The following NAALAD2 variants were observed in gnomAD, a reference collection of about 807,000 sequenced individuals.
NAALAD2 encodes the protein N-acetylated-alpha-linked acidic dipeptidase 2.
A neutral mutation model predicts 95.6 loss-of-function variants in NAALAD2; 89 were observed. That is an observed-to-expected ratio of 0.93 (90% CI 0.78 to 1.11). NAALAD2 has a LOEUF of 1.11. NAALAD2 is among the 50% of genes least tolerant of loss of function. The pLI is 0.00. For missense variants in NAALAD2, 894 were observed against 872.4 expected (o/e 1.02, Z -0.31); for synonymous variants, 264 against 294.4 (o/e 0.90, Z 1.06).
chr11:90,189,844 G>A (rs1442188031), intron 18 of NAALAD2, among the ~76,000 whole-genome samples: 1 of 152,096 alleles, frequency 6.6e-6, no homozygotes, highest in Non-Finnish European at 1.5e-5. Context: ...GAAGGTTGAG[G>A]AAAAAAGACT....
At chr11:90,187,088 CCATCAGAGAA>C (rs1857168600) in intron 18 of NAALAD2, among the ~76,000 whole-genome samples, 6 of 151,980 alleles carry the variant, frequency 3.9e-5, no homozygotes, top group African/African-American at 1.5e-4. Context: ...TCATCACTGG[CCATCAGAGAA>C]ATGCAAATCA....
intron 18 of NAALAD2, among the ~76,000 whole-genome samples, chr11:90,183,589 G>A (rs1468477338): frequency 5.3e-5 from 8 of 151,978 alleles, no homozygotes; most frequent in African/African-American, 1.9e-4. Context: ...ATTTTTCGGC[G>A]TTATGATGGT....
rs767361234 is a variant in NAALAD2 at position 90,182,991 on chromosome 11, A to T, written c.2016A>T (p.Pro672=). ...CATTCATCGATCCTCTTGGTTTACC[A>T]GGAAAGCTGTTCTATAGGTAAGGAA... ...ERAFIDPLGL[P]GKLFYRHIIF... The change falls in exon 18 of 19, where the codon CCA becomes CCT. Residue 672 remains proline, a synonymous_variant. Coordinates refer to ENST00000534061, the MANE Select transcript of NAALAD2 (RefSeq NM_005467.4). 1.9e-6 allele frequency: 3 copies of T among 1,612,784 alleles called. No homozygotes were observed. The highest frequency in any genetic ancestry group is 2.5e-6 in the Non-Finnish European group (3 of 1,178,946).
At chr11:90,143,386 G>T (rs1031212602) in intron 2 of NAALAD2, among the ~76,000 whole-genome samples, 1 of 152,110 alleles carries the variant, frequency 6.6e-6, no homozygotes, top group African/African-American at 2.4e-5. Context: ...TAATACACAT[G>T]AAGTTTTTAG....
intron 12 of NAALAD2, chr11:90,169,528 A>G (rs1952572352): frequency 1.3e-5 from 2 of 153,206 alleles, no homozygotes; most frequent in Non-Finnish European, 2.9e-5. Flanking sequence ...AAAGAAAAAG[A>G]AAAAGAAAAA....
At chr11:90,157,157 T>C (rs1467705041) in intron 6 of NAALAD2, among the ~76,000 whole-genome samples, 2 of 152,192 alleles carry the variant, frequency 1.3e-5, no homozygotes, top group Non-Finnish European at 2.9e-5. Flanking sequence ...ACTATCTAAT[T>C]ATATTGTTAC....
chr11:90,155,380 T>TAATA (rs1952046535), intron 6 of NAALAD2, among the ~76,000 whole-genome samples: 4 of 90,222 alleles, frequency 4.4e-5, no homozygotes, highest in South Asian at 3.0e-4. Context: ...ATATTACATA[T>TAATA]TATACATGTA....
At chr11:90,139,801 A>G (rs527320299) in intron 2 of NAALAD2, among the ~76,000 whole-genome samples, 2 of 152,300 alleles carry the variant, frequency 1.3e-5, no homozygotes, top group Admixed American at 1.3e-4. Flanking sequence ...TTGCAAAAGA[A>G]CAAAGTTTTC....
chr11:90,176,524 T>G (rs1454458294), intron 15 of NAALAD2, among the ~76,000 whole-genome samples: 1 of 152,214 alleles, frequency 6.6e-6, no homozygotes, highest in African/African-American at 2.4e-5. Context: ...TCAAGGGTTC[T>G]TGGTTGGGAA....
At chr11:90,157,961 C>T (rs1475814717) in intron 6 of NAALAD2, among the ~76,000 whole-genome samples, 184 bp from the exon 7 acceptor site, 3 of 152,104 alleles carry the variant, frequency 2.0e-5, no homozygotes, top group Non-Finnish European at 4.4e-5. Context: ...CCTCATGATC[C>T]GCCCACCTCT....
intron 2 of NAALAD2, among the ~76,000 whole-genome samples, chr11:90,143,787 A>G (rs1332044253): frequency 6.6e-6 from 1 of 152,178 alleles, no homozygotes; most frequent in Admixed American, 6.5e-5. Flanking sequence ...TTATCAGGGT[A>G]TTAAATGCAT....
At chr11:90,184,011 G>GAAA in intron 18 of NAALAD2, among the ~76,000 whole-genome samples, 1 of 152,076 alleles carries the variant, frequency 6.6e-6, no homozygotes, top group South Asian at 2.1e-4. Context: ...TTCTAAAACT[G>GAAA]GTTCTCTGGT....
rs553308102 is a variant in NAALAD2 at position 90,167,569 on chromosome 11, G to A, written c.1279-1360G>A. Among the ~76,000 whole-genome samples, 50 of 152,318 alleles carry A rather than the reference G, an allele frequency of 3.3e-4. 1 individual carries two copies. In the South Asian group the frequency reaches 9.5e-3, roughly 29 times the overall value. ...GGCAGGCAGCTCCACCTGTGGCCCC[G>A]GTGTGGGATCCACTGAGTGAAGCCA... On this transcript the variant is annotated intron_variant, in intron 11 of 18. Transcript: ENST00000534061.
At position 90,191,672 on chromosome 11, in the gene NAALAD2, A is replaced by G; in HGVS notation, c.2148A>G (p.Lys716=). Residue 716 remains lysine (K), a synonymous_variant, in exon 19 of 19, where the codon AAA becomes AAG. Transcript: ENST00000534061. ...ENKANSRLAW[K]EVKKHISIAA... The stretch of plus-strand genomic sequence containing the variant: ...AAGCCAACTCTCGTTTGGCCTGGAA[A>G]GAAGTAAAGAAACATATTTCTATTG... The G allele has an allele frequency of 6.2e-7, 1 of 1,602,568 alleles. No homozygotes were observed. Among genetic ancestry groups the G allele is most frequent in the Non-Finnish European group, 8.5e-7 (1 of 1,174,740 alleles).
intron 15 of NAALAD2, among the ~76,000 whole-genome samples, chr11:90,176,451 A>G (rs76650836): frequency 0.038 from 5,815 of 152,286 alleles, 157 homozygotes; most frequent in Non-Finnish European, 0.057. Context: ...GAGGAGCATT[A>G]GGGTAAGATT....
rs1001375916 is a variant in NAALAD2, at chr11:90,186,478, G to A, written c.2033+3470G>A. Among the ~76,000 whole-genome samples, 28 of 152,160 alleles carry A rather than the reference G, an allele frequency of 1.8e-4. 1 individual carries two copies. In the East Asian group the frequency reaches 1.9e-3, roughly 11 times the overall value. ...AGTCTTTGCTATTGTGAATAATGCC[G>A]CAATAAACATGTGTGCATGTGTCTT... On this transcript the variant is annotated intron_variant, in intron 18 of 18. Coordinates refer to ENST00000534061, the MANE Select transcript of NAALAD2 (RefSeq NM_005467.4).
At chr11:90,164,579 G>T (rs147506089) in intron 11 of NAALAD2, among the ~76,000 whole-genome samples, 173 of 152,058 alleles carry the variant, frequency 1.1e-3, no homozygotes, top group Admixed American at 2.1e-3. Context: ...CTAGAAGAGT[G>T]TTATCATGTA....
chr11:90,134,564 T>C, upstream of NAALAD2: 1 of 581,824 alleles, frequency 1.7e-6, no homozygotes, highest in Non-Finnish European at 3.1e-6. Context: ...CTCCTCCCTC[T>C]GCAGGGCTTC....
intron 11 of NAALAD2, among the ~76,000 whole-genome samples, chr11:90,167,827 T>A (rs10830429): frequency 0.45 from 68,544 of 151,766 alleles, 16,536 homozygotes; most frequent in African/African-American, 0.62. Context: ...TAAACGCACC[T>A]ATCAGCACCC....
Sources: allele counts gnomAD v4.1 joint callset (sites outside exome capture counted in the v4.1 genomes callset), GRCh38; gene constraint gnomAD v4.1.1; transcripts MANE v1.5; gene names NCBI Gene and HGNC (gene_info 2026-07-23, HGNC 2026-07-21).